NRG1: variants seen among roughly 807,000 people sequenced by gnomAD.
NRG1 encodes the protein pro-neuregulin-1, membrane-bound isoform.
NRG1 carries 18 observed loss-of-function variants against 63.8 expected under a neutral mutation model. That is an observed-to-expected ratio of 0.28 (90% confidence interval 0.19 to 0.42). NRG1 has a LOEUF of 0.42. NRG1 is among the 10% of genes least tolerant of loss of function. The probability of loss-of-function intolerance (pLI) is 1.00; values close to 1 mark genes in which losing one functional copy is unlikely to be tolerated. For missense variants in NRG1, 762 were observed against 814.7 expected, an observed-to-expected ratio of 0.94 and a Z score of 0.79; for synonymous variants, 302 against 301.3, an observed-to-expected ratio of 1.00 and a Z score of -0.02.
At chr8:31,760,337 T>G in intron 1 of NRG1, among the ~76,000 whole-genome samples, 1 of 152,166 alleles carries the variant, frequency 6.6e-6, no homozygotes, top group Admixed American at 6.5e-5. Flanking sequence ...TTTTCTCAGG[T>G]TTGTCGAAGA....
At chr8:32,433,725 A>AC (rs1818450376) in intron 1 of NRG1, among the ~76,000 whole-genome samples, 1 of 152,064 alleles carries the variant, frequency 6.6e-6, no homozygotes, top group Non-Finnish European at 1.5e-5. Flanking sequence ...GTTAGAATTC[A>AC]CCCCTCTTTC....
chr8:32,719,514 A>G (rs1820095597), intron 5 of NRG1, among the ~76,000 whole-genome samples: 1 of 151,966 alleles, frequency 6.6e-6, no homozygotes, highest in Admixed American at 6.6e-5. Context: ...ATTTTTAAAT[A>G]TATCCATAAC....
At chr8:31,917,121 A>G (rs4327825) in intron 1 of NRG1, among the ~76,000 whole-genome samples, 46,702 of 84,116 alleles carry the variant, frequency 0.56, 14,337 homozygotes, top group East Asian at 0.87. Context: ...TGTCAGATGA[A>G]TAGGTTGCGA....
At chr8:32,396,743 T>C (rs1812482908) in intron 1 of NRG1, among the ~76,000 whole-genome samples, 1 of 152,216 alleles carries the variant, frequency 6.6e-6, no homozygotes, top group Non-Finnish European at 1.5e-5. Context: ...CCACTGTGCC[T>C]GGCCCAAATA....
chr8:32,727,090 C>CT lies in NRG1; in HGVS notation c.503-858dup, dbSNP rs1822401706. Among the ~76,000 whole-genome samples, 3 of 152,264 alleles carry CT rather than the reference C, an allele frequency of 2.0e-5. No individual in the cohort carries two copies. In the South Asian group the frequency reaches 6.2e-4, roughly 32 times the overall value. ...TGATATGAGAAGAAACATCCTGGTA[C>CT]TAAATGCCCTGGTGGCCTGGGGCTG... On this transcript the variant is annotated intron_variant, in intron 5 of 11. Coordinates refer to ENST00000356819, the Ensembl canonical transcript of NRG1.
Position 31,696,286 on chromosome 8 carries a change from C to T in NRG1, c.37+56855C>T, listed in dbSNP as rs541613559. Among the ~76,000 whole-genome samples, 56 of 152,290 alleles carry T rather than the reference C, an allele frequency of 3.7e-4. 1 individual carries two copies. The highest frequency in any genetic ancestry group is 2.4e-5 in the African/African-American group (1 of 41,570). On this transcript the variant is annotated intron_variant, in intron 1 of 10. Coordinates refer to the NRG1 transcript ENST00000519301. ...TTCACCATGTTGGCCAGGCTGGTCT[C>T]GAACTCCTGACGTCAAGTGATCTGC...
At chr8:32,600,355 A>AC (rs1844126409) in intron 2 of NRG1, among the ~76,000 whole-genome samples, 7 of 143,774 alleles carry the variant, frequency 4.9e-5, no homozygotes, top group Admixed American at 3.5e-4. Context: ...CACACACACA[A>AC]ACACTGTCTA....
At chr8:32,344,683 G>C (rs538631080) in intron 1 of NRG1, among the ~76,000 whole-genome samples, 1 of 144,422 alleles carries the variant, frequency 6.9e-6, no homozygotes, top group Non-Finnish European at 1.5e-5. Context: ...TTGAACTCCT[G>C]GGCTGAAGTG....
intron 5 of NRG1, among the ~76,000 whole-genome samples, chr8:32,630,881 C>G (rs976961680): frequency 1.3e-5 from 2 of 152,070 alleles, no homozygotes; most frequent in Non-Finnish European, 2.9e-5. Context: ...TCAAAATCTA[C>G]TTAAAGCCAC....
At chr8:32,556,676 C>T (rs1418551925) in intron 1 of NRG1, among the ~76,000 whole-genome samples, 5 of 152,164 alleles carry the variant, frequency 3.3e-5, no homozygotes, top group African/African-American at 1.2e-4. Flanking sequence ...ATTTTATCAT[C>T]AGGTGAAAAT....
intron 1 of NRG1, among the ~76,000 whole-genome samples, chr8:32,227,801 A>T (rs565712796): frequency 5.6e-4 from 85 of 152,300 alleles, no homozygotes; most frequent in African/African-American, 1.8e-3. Context: ...TAACCACCAC[A>T]GCATTCCTGA....
intron 1 of NRG1, among the ~76,000 whole-genome samples, chr8:32,001,168 T>A (rs2129659686): frequency 6.6e-6 from 1 of 152,176 alleles, no homozygotes; most frequent in African/African-American, 2.4e-5. Context: ...TGATATCTGA[T>A]ATTATTTGGC....
chr8:32,443,159 T>C (rs564901487), intron 1 of NRG1, among the ~76,000 whole-genome samples: 1 of 152,030 alleles, frequency 6.6e-6, no homozygotes, highest in African/African-American at 2.4e-5. Flanking sequence ...TATCAAACTC[T>C]CAAACTTCCT....
chr8:32,728,730 G>A, intron 6 of NRG1: 1 of 871,374 alleles, frequency 1.1e-6, no homozygotes, highest in African/African-American at 1.8e-5. Context: ...GAATAGCACT[G>A]TCTTTCCAAT....
chr8:32,643,509 G>T (rs1253383708), intron 5 of NRG1, among the ~76,000 whole-genome samples: 1 of 152,132 alleles, frequency 6.6e-6, no homozygotes, highest in South Asian at 2.1e-4. Flanking sequence ...GTCATGTGGG[G>T]GAGCCATCTT....
exon 2 of NRG1, chr8:32,595,880 C>A (rs752924616): frequency 1.4e-5 from 22 of 1,613,562 alleles, no homozygotes; most frequent in Non-Finnish European, 1.9e-5. Context: ...CTGCAGGTTC[C>A]AAACTAGTCC....
chr8:32,131,439 G>T (rs1328125829), intron 1 of NRG1, among the ~76,000 whole-genome samples: 1 of 151,990 alleles, frequency 6.6e-6, no homozygotes, highest in African/African-American at 2.4e-5. Context: ...TTCATGTTGA[G>T]TAGAGAATCC....
At chr8:32,557,015 G>GT (rs1454969952) in intron 1 of NRG1, among the ~76,000 whole-genome samples, 3 of 151,392 alleles carry the variant, frequency 2.0e-5, no homozygotes, top group Non-Finnish European at 4.4e-5. Flanking sequence ...TTGGTTTTTG[G>GT]TTTTTTTTGA....
chr8:31,772,577 A>G (rs2131578112), intron 1 of NRG1, among the ~76,000 whole-genome samples: 1 of 152,214 alleles, frequency 6.6e-6, no homozygotes, highest in African/African-American at 2.4e-5. Context: ...CTGGGAAGGT[A>G]GGTGTCAGGA....
Sources: gnomAD v4.1 joint callset for allele counts (sites outside exome capture counted in the v4.1 genomes callset) on GRCh38, gnomAD v4.1.1 for gene constraint, MANE v1.5 for transcripts, NCBI Gene and HGNC (gene_info 2026-07-23, HGNC 2026-07-21) for gene names.